Variants in KLB observed in about 807,000 individuals in gnomAD.
KLB encodes klotho beta.
In KLB, 44 loss-of-function variants were observed where a neutral mutation model predicts 88.4. The observed-to-expected ratio is 0.50, with a 90% CI of 0.39 to 0.64. The LOEUF (loss-of-function observed/expected upper bound fraction) is 0.64, where lower values mean the gene tolerates loss of function less well. KLB is among the 30% of genes least tolerant of loss of function. The pLI, the probability that KLB is intolerant of heterozygous loss-of-function variation, is 0.00. For synonymous variants in KLB, 548 were observed against 513.4 expected (o/e 1.07, Z -0.91); for missense variants, 1,137 against 1,304.8 (o/e 0.87, Z 1.98).
chr4:39,436,777 T>C (rs915367040), intron 2 of KLB, among the ~76,000 whole-genome samples: 1 of 152,124 alleles, frequency 6.6e-6, no homozygotes, highest in African/African-American at 2.4e-5. Context: ...TGGTACAATC[T>C]TGGCTCACTG....
At chr4:39,409,873 G>A (rs931851713) in intron 1 of KLB, among the ~76,000 whole-genome samples, 9 of 151,926 alleles carry the variant, frequency 5.9e-5, no homozygotes, top group African/African-American at 1.7e-4. Flanking sequence ...ACAGTGAGCC[G>A]AGATCACGCC....
rs899102293 is a variant in KLB, at chr4:39,447,020, T to G, written c.2294T>G (p.Leu765Arg). 17 of 1,611,202 alleles carry G rather than the reference T, an allele frequency of 1.1e-5. No individual in the cohort carries two copies. The highest frequency in any genetic ancestry group is 1.2e-5 in the Non-Finnish European group (14 of 1,179,958). ...DSHWRAAERF[L>R]QFEIAWFAEP... ...CACTGGAGGGCGGCCGAGCGCTTCC[T>G]GCAGTTCGAGATCGCCTGGTTCGCC... Residue 765 changes from leucine (L) to arginine (R), a missense_variant, in exon 4 of 5, where the codon CTG becomes CGG. Around this residue, in one of 4 missense-constraint regions of KLB, gnomAD observed 426 missense variants for 404.6 expected, o/e 1.05. Coordinates refer to ENST00000257408, the MANE Select transcript of KLB (RefSeq NM_175737.4).
chr4:39,407,200 A>G lies in KLB; in HGVS notation c.251A>G (p.Asn84Ser), dbSNP rs1317559726. The change falls in exon 1 of 5, where the codon AAC becomes AGC. Residue 84 changes from asparagine (N) to serine (S), a missense_variant. By Grantham distance (46) the Asn-to-Ser change is conservative (BLOSUM62 1). Around this residue, in one of 4 missense-constraint regions of KLB, gnomAD observed 111 missense variants for 118.3 expected, o/e 0.94. Transcript: ENST00000257408. ...TTTCTCTATGACACTTTCCCTAAAA[A>G]CTTTTTCTGGGGTATTGGGACTGGA... ...QLFLYDTFPK[N>S]FFWGIGTGAL... 3 of 1,614,082 alleles carry G rather than the reference A, an allele frequency of 1.9e-6. No individual in the cohort carries two copies. The highest frequency in any genetic ancestry group is 1.6e-4 in the Middle Eastern group (1 of 6,062).
intron 1 of KLB, among the ~76,000 whole-genome samples, chr4:39,433,674 A>G (rs1743409753): frequency 6.6e-6 from 1 of 152,114 alleles, no homozygotes; most frequent in Non-Finnish European, 1.5e-5. Flanking sequence ...AGCCTGACCA[A>G]TATGGTGAAA....
At position 39,447,447 on chromosome 4, in the gene KLB, AG is replaced by A. The variant is rs770585493; in HGVS notation, c.2724del (p.Lys909SerfsTer7). The A allele has an allele frequency of 6.2e-6, 10 of 1,600,008 alleles. No homozygotes were observed. Among genetic ancestry groups the A allele is most frequent in the Non-Finnish European group, 7.7e-6 (9 of 1,172,184 alleles). ...EDDRLRKYYLGKYLQEVLKAY... is the reference protein window; with the variant it reads ...EDDRLRKYYLXKYLQEVLKAY... ...ATGACCGGCTCCGGAAGTACTACCT[AG>A]GGAAGTACCTTCAGGAGGTGCTGAA... On this transcript the variant is annotated frameshift_variant, in exon 4 of 5. Coordinates refer to ENST00000257408, the MANE Select transcript of KLB (RefSeq NM_175737.4). LOFTEE classifies it low-confidence loss of function (END_TRUNC).
At position 39,437,785 on chromosome 4, in the gene KLB, CTT is replaced by C; in HGVS notation, c.1397_1398del (p.Phe466Ter). 1 of 1,614,088 alleles carries C rather than the reference CTT, an allele frequency of 6.2e-7. No individual in the cohort carries two copies. Among genetic ancestry groups the C allele is most frequent in the Non-Finnish European group, 8.5e-7 (1 of 1,179,986 alleles). ...GYTAWSLLDG[F>X]EWQDAYTIRR... ...ATACTGCCTGGTCTCTCCTGGATGG[CTT>C]TGAATGGCAGGATGCTTACACCATC... On this transcript the variant is annotated frameshift_variant, in exon 3 of 5. Transcript: ENST00000257408. LOFTEE classifies it high-confidence loss of function.
In KLB at chr4:39,447,168, C is replaced by G. The variant is rs1299093477; in HGVS notation, c.2442C>G (p.Leu814=). 1.2e-6 allele frequency: 2 copies of G among 1,613,872 alleles called. No homozygotes were observed. Among genetic ancestry groups the G allele is most frequent in the South Asian group, 2.2e-5 (2 of 91,084 alleles). ...TCACCGAGGCCGAAAGGAGGCTGCT[C>G]AAGGGCACGGTCGACTTCTGCGCGC... ...PRLTEAERRL[L]KGTVDFCALN... Residue 814 remains leucine (L), a synonymous_variant, in exon 4 of 5, where the codon CTC becomes CTG. Coordinates refer to ENST00000257408, the MANE Select transcript of KLB (RefSeq NM_175737.4).
At chr4:39,409,084 G>A (rs182229717) in intron 1 of KLB, among the ~76,000 whole-genome samples, 1 of 151,666 alleles carries the variant, frequency 6.6e-6, no homozygotes, top group Admixed American at 6.6e-5. Flanking sequence ...AGATACATCT[G>A]CCCTTGAGGT....
intron 1 of KLB, among the ~76,000 whole-genome samples, chr4:39,409,585 A>AATT (rs1191627499): frequency 6.6e-6 from 1 of 151,408 alleles, no homozygotes; most frequent in East Asian, 2.0e-4. Context: ...CACTGCGCTC[A>AATT]GCCAGTCCTT....
intron 1 of KLB, among the ~76,000 whole-genome samples, chr4:39,420,439 T>C (rs1424090265): frequency 2.0e-5 from 3 of 152,164 alleles, no homozygotes; most frequent in Non-Finnish European, 2.9e-5. Context: ...GCTTTTTCCT[T>C]TGAGATTTTT....
intron 3 of KLB, among the ~76,000 whole-genome samples, chr4:39,444,988 G>C (rs1415637356): frequency 1.3e-5 from 2 of 152,054 alleles, no homozygotes; most frequent in Non-Finnish European, 2.9e-5. Context: ...TGTCATGAGG[G>C]GAAAAAGAAG....
intron 1 of KLB, among the ~76,000 whole-genome samples, chr4:39,415,193 G>A (rs940070837): frequency 2.0e-5 from 3 of 152,134 alleles, no homozygotes; most frequent in African/African-American, 4.8e-5. Context: ...GATTACAGGC[G>A]TGAGCCACTG....
intron 1 of KLB, among the ~76,000 whole-genome samples, chr4:39,427,528 G>A (rs1172982474): frequency 6.6e-6 from 1 of 151,060 alleles, no homozygotes; most frequent in Non-Finnish European, 1.5e-5. Flanking sequence ...ATAGAGAAGG[G>A]CTAAGCAGAT....
chr4:39,425,806 G>A (rs568652725), intron 1 of KLB, among the ~76,000 whole-genome samples: 3 of 152,178 alleles, frequency 2.0e-5, no homozygotes, highest in Admixed American at 6.6e-5. Context: ...GTAATACTGA[G>A]TTATTTCAAC....
At chr4:39,428,822 C>A (rs190169900) in intron 1 of KLB, among the ~76,000 whole-genome samples, 1 of 152,306 alleles carries the variant, frequency 6.6e-6, no homozygotes, top group African/African-American at 2.4e-5. Context: ...ATTCTCCTGC[C>A]TCAGCCTCCC....
chr4:39,445,825 A>G (rs562309615), intron 3 of KLB, among the ~76,000 whole-genome samples: 138 of 151,714 alleles, frequency 9.1e-4, no homozygotes, highest in Non-Finnish European at 8.0e-4. Flanking sequence ...CCCGGCCTGG[A>G]TTTTTTAAAT....
intron 3 of KLB, 70 bp downstream of exon 3, chr4:39,438,065 C>G: frequency 7.1e-7 from 1 of 1,404,238 alleles, no homozygotes; most frequent in Non-Finnish European, 9.8e-7. Flanking sequence ...TACTCAATGA[C>G]AGCTAAGAGA....
At position 39,434,274 on chromosome 4, in the gene KLB, C is replaced by T. The variant is rs757569194; in HGVS notation, c.890C>T (p.Ser297Leu). The part of the protein sequence containing the change: ...HFRPHQKGWL[S>L]ITLGSHWIEP... ...CGCCCACATCAGAAGGGTTGGTTAT[C>T]GATCACGTTGGGATCTCATTGGATC... The change falls in exon 2 of 5, where the codon TCG (serine) becomes TTG (leucine). Residue 297 changes from serine (S) to leucine (L), a missense_variant. Ser to Leu is a moderately radical substitution (Grantham distance 145). Around this residue, in one of 4 missense-constraint regions of KLB, gnomAD observed 597 missense variants for 765.2 expected, o/e 0.78. Transcript: ENST00000257408. 8 of 1,613,986 alleles carry T rather than the reference C, an allele frequency of 5.0e-6. No individual in the cohort carries two copies. The highest frequency in any genetic ancestry group is 2.2e-5 in the East Asian group (1 of 44,888).
At position 39,407,258 on chromosome 4, in the gene KLB, T is replaced by C; in HGVS notation, c.309T>C (p.Asp103=). 1.1e-5 allele frequency: 17 copies of C among 1,614,152 alleles called. No homozygotes were observed. Among genetic ancestry groups the C allele is most frequent in the Non-Finnish European group, 1.4e-5 (16 of 1,180,006 alleles). The change falls in exon 1 of 5, where the codon GAT becomes GAC. Residue 103 remains aspartate (D), a synonymous_variant. Transcript: ENST00000257408. ...AAGTGGAAGGGAGTTGGAAGAAGGATGGAAAAGGACCTTCTATATGGGATC... is the reference window on the plus strand; with the variant it reads ...AAGTGGAAGGGAGTTGGAAGAAGGACGGAAAAGGACCTTCTATATGGGATC... ...ALQVEGSWKK[D]GKGPSIWDHF...
Sources: gnomAD v4.1 joint callset for allele counts (sites outside exome capture counted in the v4.1 genomes callset) on GRCh38, gnomAD v4.1.1 for gene constraint, gnomAD v4.1.1 regional missense constraint, MANE v1.5 for transcripts, NCBI Gene and HGNC (gene_info 2026-07-23, HGNC 2026-07-21) for gene names.